Variants in PTCHD4 observed in about 807,000 individuals in gnomAD.
PTCHD4 encodes the protein patched domain-containing protein 4.
PTCHD4 carries 33 observed loss-of-function variants against 58.1 expected under a neutral mutation model. The ratio of observed to expected loss-of-function variants is 0.57; its 90% CI spans 0.43 to 0.76. The LOEUF is 0.76. Ranked by LOEUF, PTCHD4 falls within the 30% of genes least tolerant of loss-of-function variation. The pLI is 0.00. For synonymous variants in PTCHD4, 478 were observed against 409.6 expected (o/e 1.17, Z -2.02); for missense variants, 1,058 against 1,027.1 (o/e 1.03, Z -0.41).
intron 3 of PTCHD4, among the ~76,000 whole-genome samples, chr6:48,044,271 A>G (rs545195174): frequency 6.6e-6 from 1 of 151,982 alleles, no homozygotes; most frequent in East Asian, 1.9e-4. Flanking sequence ...GTTATCTGGA[A>G]CTACATTCTT....
At position 47,858,680 on chromosome 6, in the gene PTCHD4, C is replaced by T. The variant is rs777253478; in HGVS notation, c.*19623G>A. 6.6e-6 allele frequency among the ~76,000 whole-genome samples: 1 copy of T among 151,986 alleles called. No individual in the cohort carries two copies. Among genetic ancestry groups the T allele is most frequent in the African/African-American group, 2.4e-5 (1 of 41,422 alleles). On this transcript the variant is annotated 3_prime_UTR_variant, in exon 5 of 5. Coordinates refer to ENST00000339488, the MANE Select transcript of PTCHD4 (RefSeq NM_001384253.1). The stretch of plus-strand genomic sequence containing the variant: ...TCTGAACACAAGTAACAAGGCTACA[C>T]TGCACTAGCCATCTGAGTCAGAATT...
chr6:48,085,191 C>T (rs868676903), intron 1 of PTCHD4, among the ~76,000 whole-genome samples: 16 of 152,100 alleles, frequency 1.1e-4, no homozygotes, highest in Admixed American at 4.6e-4. Context: ...CTGCAAAGTA[C>T]CTGCTGATGA....
intron 1 of PTCHD4, among the ~76,000 whole-genome samples, chr6:48,088,490 G>T (rs564069246): frequency 1.3e-5 from 2 of 152,224 alleles, no homozygotes; most frequent in East Asian, 3.9e-4. Context: ...AACAAAAGCT[G>T]TGCATAAAAT....
chr6:47,892,987 T>C (rs1764425101), intron 4 of PTCHD4, among the ~76,000 whole-genome samples: 1 of 152,208 alleles, frequency 6.6e-6, no homozygotes. Flanking sequence ...GATTCAACTC[T>C]GATTGGTTGA....
At chr6:48,094,063 T>C (rs1044717359) in intron 1 of PTCHD4, among the ~76,000 whole-genome samples, 1 of 152,136 alleles carries the variant, frequency 6.6e-6, no homozygotes. Flanking sequence ...GAGGCATAGA[T>C]TTAAAATGGA....
chr6:48,079,359 C>A (rs1765121223), intron 1 of PTCHD4, among the ~76,000 whole-genome samples: 1 of 152,100 alleles, frequency 6.6e-6, no homozygotes, highest in African/African-American at 2.4e-5. Flanking sequence ...GAAGCCTTTT[C>A]TTGAGCAAAA....
intron 4 of PTCHD4, among the ~76,000 whole-genome samples, chr6:47,937,444 T>A (rs924875877): frequency 3.3e-5 from 5 of 152,156 alleles, no homozygotes; most frequent in African/African-American, 1.2e-4. Context: ...ATTCCATATT[T>A]TTGGTTATAT....
rs962482394 is a variant in PTCHD4 at position 47,931,392 on chromosome 6, G to T, written c.899-51456C>A. Reference sequence around the variant, plus strand: ...TTTTGGGACAAGTTTTCCCATTTTTGGAAAAAGAAGTAATTCTAGATGGAT... The same window carrying T: ...TTTTGGGACAAGTTTTCCCATTTTTTGAAAAAGAAGTAATTCTAGATGGAT... On this transcript the variant is annotated intron_variant, in intron 4 of 4. Transcript: ENST00000339488. 7.9e-5 allele frequency among the ~76,000 whole-genome samples: 12 copies of T among 152,112 alleles called. No homozygotes were observed. In the East Asian group the frequency reaches 2.3e-3, roughly 29 times the overall value.
intron 3 of PTCHD4, among the ~76,000 whole-genome samples, chr6:48,062,265 G>A (rs960987766): frequency 2.0e-5 from 3 of 152,104 alleles, no homozygotes; most frequent in African/African-American, 4.8e-5. Flanking sequence ...AAGAAGTATG[G>A]TATTTTTGGC....
chr6:47,903,375 G>C (rs1764773564), intron 4 of PTCHD4, among the ~76,000 whole-genome samples: 1 of 152,008 alleles, frequency 6.6e-6, no homozygotes, highest in Admixed American at 6.6e-5. Flanking sequence ...GGAGTGCAGT[G>C]GCACAATCTC....
intron 4 of PTCHD4, among the ~76,000 whole-genome samples, chr6:47,927,464 CAAT>C (rs1285302962): frequency 6.6e-6 from 1 of 152,092 alleles, no homozygotes; most frequent in Non-Finnish European, 1.5e-5. Flanking sequence ...CTTTGCCAAA[CAAT>C]ATTATTTTGG....
chr6:48,107,688 TG>T, intron 1 of PTCHD4, among the ~76,000 whole-genome samples: 1 of 152,200 alleles, frequency 6.6e-6, no homozygotes. Flanking sequence ...AGAAAATTTT[TG>T]CAACCTACTC....
At chr6:48,054,398 A>G (rs1764339025) in intron 3 of PTCHD4, among the ~76,000 whole-genome samples, 1 of 152,100 alleles carries the variant, frequency 6.6e-6, no homozygotes, top group Admixed American at 6.6e-5. Flanking sequence ...GAACTTGTTG[A>G]CCTATATTTA....
At chr6:48,031,612 T>C (rs1156235960) in intron 3 of PTCHD4, among the ~76,000 whole-genome samples, 1 of 151,954 alleles carries the variant, frequency 6.6e-6, no homozygotes, top group East Asian at 1.9e-4. Context: ...GTGGGGGGAA[T>C]CCATGGGAAT....
In PTCHD4 at chr6:47,878,871, G is replaced by T; in HGVS notation, c.1964C>A (p.Thr655Lys). The T allele has an allele frequency of 6.2e-7, 1 of 1,613,734 alleles. No homozygotes were observed. Among genetic ancestry groups the T allele is most frequent in the Non-Finnish European group, 8.5e-7 (1 of 1,179,766 alleles). Reference protein sequence around the residue: ...VFMDHYSLSVTVPVLIAGFGV... With the variant: ...VFMDHYSLSVKVPVLIAGFGV... The stretch of plus-strand genomic sequence containing the variant: ...AAAGCCTGCAATCAGAACAGGCACT[G>T]TGACAGACAAGCTGTAATGGTCCAT... The change falls in exon 5 of 5, where the codon ACA becomes AAA. Residue 655 changes from threonine to lysine, a missense_variant. Transcript: ENST00000339488.
chr6:47,929,143 T>C (rs1765726384), intron 4 of PTCHD4, among the ~76,000 whole-genome samples: 1 of 152,314 alleles, frequency 6.6e-6, no homozygotes, highest in African/African-American at 2.4e-5. Flanking sequence ...AGTATATTGA[T>C]ATGTAAAATC....
At position 47,879,957 on chromosome 6, in the gene PTCHD4, A is replaced by G. The variant is rs1444920229; in HGVS notation, c.899-21T>C. The G allele has an allele frequency of 2.8e-6, 4 of 1,446,220 alleles. No individual in the cohort carries two copies. In the East Asian group the frequency reaches 1.0e-4, roughly 36 times the overall value. The allele number at this position is 1,446,220 out of a possible 1,614,324, so 89.6% of individuals were successfully genotyped here. ...ATGACCTAATGTTTTAAAAAAAGAA[A>G]ATAATAATTATTTTTATTTCCTCCT... On this transcript the variant is annotated intron_variant, in intron 4 of 4. Coordinates refer to ENST00000339488, the MANE Select transcript of PTCHD4 (RefSeq NM_001384253.1).
intron 3 of PTCHD4, among the ~76,000 whole-genome samples, chr6:48,033,619 A>T (rs1763527021): frequency 6.6e-6 from 1 of 151,938 alleles, no homozygotes; most frequent in African/African-American, 2.4e-5. Context: ...ACTTACTGAA[A>T]ACTCTACATC....
intron 1 of PTCHD4, among the ~76,000 whole-genome samples, chr6:48,079,970 A>AC (rs1765132024): frequency 1.3e-5 from 1 of 76,146 alleles, no homozygotes; most frequent in East Asian, 4.2e-4. Flanking sequence ...CCTTATGATG[A>AC]TTTTTTTTTT....
Sources: gnomAD v4.1 joint callset for allele counts (sites outside exome capture counted in the v4.1 genomes callset) on GRCh38, gnomAD v4.1.1 for gene constraint, MANE v1.5 for transcripts, NCBI Gene and HGNC (gene_info 2026-07-23, HGNC 2026-07-21) for gene names.